Variants in ALKBH1 observed in about 807,000 individuals in gnomAD.
ALKBH1 encodes alkB homolog 1, histone H2A dioxygenase, also known as nucleic acid dioxygenase ALKBH1.
A neutral mutation model predicts 36.6 loss-of-function variants in ALKBH1; 31 were observed. The observed-to-expected ratio is 0.85, with a 90% CI of 0.64 to 1.14. ALKBH1 has a LOEUF of 1.14. Ranked by LOEUF, ALKBH1 falls within the 50% of genes most tolerant of loss-of-function variation. The pLI is 0.00. For missense variants in ALKBH1, 490 were observed against 497.3 expected, an observed-to-expected ratio of 0.99 and a Z score of 0.14; for synonymous variants, 183 against 186.6, an observed-to-expected ratio of 0.98 and a Z score of 0.16.
At chr14:77,682,647 A>G (rs1300575005) in intron 3 of ALKBH1, among the ~76,000 whole-genome samples, 2 of 152,212 alleles carry the variant, frequency 1.3e-5, no homozygotes, top group African/African-American at 4.8e-5. Flanking sequence ...ACTGGAATCT[A>G]GAACTCAAAA....
In ALKBH1 at chr14:77,691,781, A is replaced by G. The variant is rs188518796; in HGVS notation, c.455+2957T>C. 156 of 152,336 alleles carry G rather than the reference A, an allele frequency of 1.0e-3. 2 individuals carry two copies. The highest frequency in any genetic ancestry group is 3.5e-3 in the African/African-American group (146 of 41,586). 9.4% of individuals were successfully genotyped at this position (152,336 alleles called of 1,614,324 possible). A position where few individuals can be genotyped will look rare whatever the true frequency, so the allele number is the denominator to read the frequency against. ...AGAGATTCATCTGAGCTATCTTAAA[A>G]GACAGCTGGGATTTCTGCAGAGTCA... On this transcript the variant is annotated intron_variant, in intron 3 of 5. Transcript: ENST00000216489.
chr14:77,673,860 A>C lies in ALKBH1; in HGVS notation c.1122T>G (p.Asp374Glu). The change falls in exon 6 of 6, where the codon GAT becomes GAG. Residue 374 changes from aspartate to glutamate, a missense_variant. Transcript: ENST00000216489. ...CCCGTTTTACTTCGCTATTCTGGTC[A>C]TCCAGATGGCAGAAACCTTCTGTAC... is the stretch of plus-strand genomic sequence containing the variant. ...DISTEGFCHL[D>E]DQNSEVKRAR... The C allele has an allele frequency of 6.2e-7, 1 of 1,614,170 alleles. No individual in the cohort carries two copies. Among genetic ancestry groups the C allele is most frequent in the South Asian group, 1.1e-5 (1 of 91,086 alleles).
chr14:77,691,567 G>T (rs1169564938), intron 3 of ALKBH1, among the ~76,000 whole-genome samples: 1 of 152,108 alleles, frequency 6.6e-6, no homozygotes, highest in South Asian at 2.1e-4. Context: ...ACTGAAGCAC[G>T]TATCACATAG....
At chr14:77,680,679 T>TC (rs1566812245) in intron 3 of ALKBH1, among the ~76,000 whole-genome samples, 6 of 93,536 alleles carry the variant, frequency 6.4e-5, no homozygotes, top group Non-Finnish European at 1.1e-4. Context: ...TAACTACTCT[T>TC]TTTTTTTTTT....
At chr14:77,702,205 AGAG>A (rs1170820149) in intron 2 of ALKBH1, among the ~76,000 whole-genome samples, 15 of 152,156 alleles carry the variant, frequency 9.9e-5, no homozygotes, top group African/African-American at 2.6e-4. Flanking sequence ...GGAGGCTGAG[AGAG>A]GAGAATTGCT....
At chr14:77,679,849 G>A in intron 4 of ALKBH1, 31 bp downstream of exon 4, 1 of 1,557,714 alleles carries the variant, frequency 6.4e-7, no homozygotes, top group East Asian at 2.2e-5. Context: ...CCTATAAACA[G>A]AAAACAAAAG....
intron 2 of ALKBH1, among the ~76,000 whole-genome samples, chr14:77,698,392 A>G (rs979579701): frequency 2.0e-4 from 30 of 152,328 alleles, no homozygotes; most frequent in Non-Finnish European, 1.8e-4. Flanking sequence ...ACATTTGCTT[A>G]TAAGTGTTGG....
Position 77,694,878 on chromosome 14 carries a change from G to A in ALKBH1, c.315C>T (p.Pro105=). 1 of 1,567,310 alleles carries A rather than the reference G, an allele frequency of 6.4e-7. No homozygotes were observed. The change falls in exon 3 of 6, where the codon CCC becomes CCT. Residue 105 remains proline (P), a synonymous_variant. Coordinates refer to ENST00000216489, the MANE Select transcript of ALKBH1 (RefSeq NM_006020.3). The stretch of plus-strand genomic sequence containing the variant: ...AGTGCCACTGGTAACCTGGGAGGAA[G>A]GGGTTTGGGATAAAAATAAACCCTA... ...GYPGFIFIPN[P]FLPGYQWHWV... is the part of the protein sequence containing the mutation.
At chr14:77,675,941 A>C in intron 4 of ALKBH1, 92 bp from the exon 5 acceptor site, 1 of 1,042,444 alleles carries the variant, frequency 9.6e-7, no homozygotes. Context: ...AAATAATCTT[A>C]CTTACAAAGT....
At chr14:77,705,239 C>A (rs981719142) in intron 1 of ALKBH1, among the ~76,000 whole-genome samples, 1 of 151,908 alleles carries the variant, frequency 6.6e-6, no homozygotes, top group Non-Finnish European at 1.5e-5. Context: ...ATGGTGAAAC[C>A]CCGTCTCTAC....
At chr14:77,685,372 G>A (rs913266363) in intron 3 of ALKBH1, among the ~76,000 whole-genome samples, 9 of 151,984 alleles carry the variant, frequency 5.9e-5, no homozygotes, top group African/African-American at 1.9e-4. Flanking sequence ...GAACCCAGAA[G>A]GTTGCAGTGG....
chr14:77,690,485 C>A (rs1396842447), intron 3 of ALKBH1, among the ~76,000 whole-genome samples: 2 of 152,174 alleles, frequency 1.3e-5, no homozygotes, highest in Non-Finnish European at 2.9e-5. Flanking sequence ...CCCTTGGAAC[C>A]ACACCTGAGT....
chr14:77,686,786 G>C (rs2080270802), intron 3 of ALKBH1, among the ~76,000 whole-genome samples: 1 of 152,102 alleles, frequency 6.6e-6, no homozygotes, highest in African/African-American at 2.4e-5. Flanking sequence ...GCCATGCCCA[G>C]TTAATTTTTG....
intron 3 of ALKBH1, among the ~76,000 whole-genome samples, chr14:77,684,323 C>T (rs1392867269): frequency 2.0e-5 from 3 of 152,104 alleles, no homozygotes; most frequent in Non-Finnish European, 2.9e-5. Context: ...AACACAATAC[C>T]GTCTGTTTCT....
chr14:77,683,761 AG>A (rs1426399935), intron 3 of ALKBH1: 1 of 205,768 alleles, frequency 4.9e-6, no homozygotes, highest in Non-Finnish European at 9.8e-6. Flanking sequence ...TAGTAGAGAC[AG>A]GGTTTCCCCA....
chr14:77,686,953 GTT>G (rs1196609561), intron 3 of ALKBH1, among the ~76,000 whole-genome samples: 1 of 145,972 alleles, frequency 6.9e-6, no homozygotes, highest in African/African-American at 2.8e-5. Flanking sequence ...AGTGCTTCCA[GTT>G]TTCTCTCTCC....
At chr14:77,694,948 T>A (rs369224148) in intron 2 of ALKBH1, 48 bp from the exon 3 acceptor site, 9 of 1,389,844 alleles carry the variant, frequency 6.5e-6, no homozygotes, top group Middle Eastern at 3.9e-4. Flanking sequence ...AAATTCTCCA[T>A]CAGTTATTCA....
At chr14:77,686,736 GC>G (rs2080270584) in intron 3 of ALKBH1, among the ~76,000 whole-genome samples, 1 of 152,172 alleles carries the variant, frequency 6.6e-6, no homozygotes, top group African/African-American at 2.4e-5. Context: ...TGATTCTCCT[GC>G]CTCAGCCTCG....
Position 77,675,803 on chromosome 14 carries a change from A to G in ALKBH1, c.593T>C (p.Phe198Ser), listed in dbSNP as rs2080202224. 5 of 1,614,098 alleles carry G rather than the reference A, an allele frequency of 3.1e-6. No homozygotes were observed. The highest frequency in any genetic ancestry group is 4.2e-6 in the Non-Finnish European group (5 of 1,179,990). ...GGCAGCGGCTACTTGCTCTGAGAGG[A>G]AACCCAGGTCAGAAGGGAAAGGTGT... ...HYTPFPSDLG[F>S]LSEQVAAACG... The change falls in exon 5 of 6, where the codon TTC becomes TCC. Residue 198 changes from phenylalanine (F) to serine (S), a missense_variant. Phe to Ser is a radical substitution (Grantham distance 155). Transcript: ENST00000216489.
Sources: gnomAD v4.1 joint callset for allele counts (sites outside exome capture counted in the v4.1 genomes callset) on GRCh38, gnomAD v4.1.1 for gene constraint, MANE v1.5 for transcripts, NCBI Gene and HGNC (gene_info 2026-07-23, HGNC 2026-07-21) for gene names.